SYT5: variants seen among roughly 807,000 people sequenced by gnomAD.
SYT5 encodes synaptotagmin-5.
A neutral mutation model predicts 36.0 loss-of-function variants in SYT5; 29 were observed. That is an observed-to-expected ratio of 0.81 (90% CI 0.60 to 1.10). The LOEUF (loss-of-function observed/expected upper bound fraction) is 1.10. SYT5 is among the 50% of genes least tolerant of loss of function. The pLI is 0.00. For missense variants in SYT5, 512 were observed against 516.0 expected (o/e 0.99, Z 0.08); for synonymous variants, 231 against 227.6 (o/e 1.02, Z -0.14).
Position 55,179,076 on chromosome 19 carries a change from A to C in SYT5, c.-35T>G. ...GTCCTGGAGTCTTTTCTGCAGAGAC[A>C]CTCAAGCACCCTAGTCCCCCATTCC... On this transcript the variant is annotated 5_prime_UTR_variant, in exon 2 of 9. Coordinates refer to ENST00000354308, the MANE Select transcript of SYT5 (RefSeq NM_003180.3). This position sits in a 1 kb window ranked among gnomAD's most constrained non-coding sequence, Gnocchi z 4.5. 1 of 1,585,592 alleles carries C rather than the reference A, an allele frequency of 6.3e-7. No individual in the cohort carries two copies. Among genetic ancestry groups the C allele is most frequent in the Middle Eastern group, 1.7e-4 (1 of 6,018 alleles).
chr19:55,175,062 A>G lies in SYT5; in HGVS notation c.709-63T>C. The G allele has an allele frequency of 1.9e-6, 3 of 1,600,466 alleles. No individual in the cohort carries two copies. Among genetic ancestry groups the G allele is most frequent in the Non-Finnish European group, 2.6e-6 (3 of 1,174,958 alleles). On this transcript the variant is annotated intron_variant, in intron 6 of 8. Transcript: ENST00000354308. The surrounding 1 kb of genome is among the most constrained non-coding windows in gnomAD (Gnocchi z 4.5). ...CACATCCATGCCTCCTCAGGGGTAC[A>G]ATCCACGCCGCCCTGAGGGTCTGGA...
chr19:55,178,752 G>C (rs59224814), intron 2 of SYT5, among the ~76,000 whole-genome samples: 13,007 of 75,180 alleles, frequency 0.17, 719 homozygotes, highest in South Asian at 0.28. Context: ...ATCCGGTTTC[G>C]ATTTTTTTTT....
At position 55,179,268 on chromosome 19, in the gene SYT5, C is replaced by T. The variant is rs2086117975; in HGVS notation, c.-45-182G>A. The T allele has an allele frequency of 2.1e-6, 3 of 1,412,458 alleles. No homozygotes were observed. The highest frequency in any genetic ancestry group is 2.9e-5 in the Admixed American group (1 of 34,480). The allele number at this position is 1,412,458 out of a possible 1,614,324, so 87.5% of individuals were successfully genotyped here. ...GGGGGTGTCCAGGACCTAGTTCCATCCTAAAGGGATACCCTCTTCCTCCAC... is the reference window on the plus strand; with the variant it reads ...GGGGGTGTCCAGGACCTAGTTCCATTCTAAAGGGATACCCTCTTCCTCCAC... On this transcript the variant is annotated intron_variant, in intron 1 of 8. Transcript: ENST00000354308. This position sits in a 1 kb window ranked among gnomAD's most constrained non-coding sequence, Gnocchi z 4.5.
Position 55,175,780 on chromosome 19 carries a change from G to T in SYT5, c.469C>A (p.Arg157=). 1 of 1,614,194 alleles carries T rather than the reference G, an allele frequency of 6.2e-7. No individual in the cohort carries two copies. Among genetic ancestry groups the T allele is most frequent in the East Asian group, 2.2e-5 (1 of 44,870 alleles). The part of the protein sequence containing the change: ...YVRVYLLPDK[R]RRYETKVHRQ... ...TGCACCTTGGTCTCGTACCGCCTCC[G>T]TTTGTCCGGCAGCAGGTAGACCCGC... is the stretch of plus-strand genomic sequence containing the variant. The change falls in exon 5 of 9, where the codon CGG becomes AGG. Residue 157 remains arginine (R), a synonymous_variant. Coordinates refer to ENST00000354308, the MANE Select transcript of SYT5 (RefSeq NM_003180.3). This position sits in a 1 kb window ranked among gnomAD's most constrained non-coding sequence, Gnocchi z 4.5.
chr19:55,173,813 G>A lies in SYT5; in HGVS notation c.961-129C>T, dbSNP rs1954537817. ...CGAGGGCTCGGGGCCCCGGAGCTCGGGACGGGGGAGGGGGTGGGAGACGAG... is the reference window on the plus strand; with the variant it reads ...CGAGGGCTCGGGGCCCCGGAGCTCGAGACGGGGGAGGGGGTGGGAGACGAG... On this transcript the variant is annotated intron_variant, in intron 8 of 8. Coordinates refer to ENST00000354308, the MANE Select transcript of SYT5 (RefSeq NM_003180.3). This position sits in a 1 kb window ranked among gnomAD's most constrained non-coding sequence, Gnocchi z 5.4. 2 of 975,768 alleles carry A rather than the reference G, an allele frequency of 2.0e-6. No individual in the cohort carries two copies. The highest frequency in any genetic ancestry group is 4.3e-5 in the Admixed American group (1 of 23,412). The allele number at this position is 975,768 out of a possible 1,614,324, so 60.4% of individuals were successfully genotyped here.
chr19:55,176,961 G>C (rs2086083234), intron 3 of SYT5: 1 of 152,240 alleles, frequency 6.6e-6, no homozygotes, highest in Admixed American at 6.5e-5. Context: ...TGGAAACCTA[G>C]GGCTGTCTGG....
rs3859545 is a variant in SYT5 at position 55,172,281 on chromosome 19, T to C, written c.*1203A>G. Reference sequence around the variant, plus strand: ...TAAAAATACAAAAAAATTAGCCGGGTGTGGTGGCGGGCGCCTGTAGTCCCA... The same window carrying C: ...TAAAAATACAAAAAAATTAGCCGGGCGTGGTGGCGGGCGCCTGTAGTCCCA... On this transcript the variant is annotated 3_prime_UTR_variant, in exon 9 of 9. Coordinates refer to ENST00000354308, the MANE Select transcript of SYT5 (RefSeq NM_003180.3). 54,219 of 147,788 alleles carry C rather than the reference T, an allele frequency of 0.37. 11,628 individuals are homozygous for C. Among genetic ancestry groups the C allele is most frequent in the African/African-American group, 0.59 (24,191 of 40,682 alleles). 9.2% of individuals were successfully genotyped at this position (147,788 alleles called of 1,614,324 possible).
At position 55,174,500 on chromosome 19, in the gene SYT5, G is replaced by A; in HGVS notation, c.960+17C>T. 1.2e-6 allele frequency: 2 copies of A among 1,612,306 alleles called. No individual in the cohort carries two copies. ...CTAAAGGTCTGGGCTCTTGGAGAAG[G>A]GCAGGTTTGAGCTCACCTGGACTTG... On this transcript the variant is annotated intron_variant, in intron 8 of 8. Transcript: ENST00000354308.
rs1199026401 is a variant in SYT5 at position 55,173,411 on chromosome 19, T to C, written c.*73A>G. ...AGGAAGCTTAAGGGTGGGGCTGGCT[T>C]GGCTTTGGCCGGTCTCGGGAGTCTG... On this transcript the variant is annotated 3_prime_UTR_variant, in exon 9 of 9. Coordinates refer to ENST00000354308, the MANE Select transcript of SYT5 (RefSeq NM_003180.3). The surrounding 1 kb of genome is among the most constrained non-coding windows in gnomAD (Gnocchi z 5.4). 7.9e-7 allele frequency: 1 copy of C among 1,258,212 alleles called. No individual in the cohort carries two copies. Among genetic ancestry groups the C allele is most frequent in the Non-Finnish European group, 1.0e-6 (1 of 989,308 alleles). The allele number at this position is 1,258,212 out of a possible 1,614,324, so 77.9% of individuals were successfully genotyped here. A position where few individuals can be genotyped will look rare whatever the true frequency, so the allele number is the denominator to read the frequency against.
chr19:55,173,566 A>G lies in SYT5; in HGVS notation c.1079T>C (p.Met360Thr). ...GGAGLRHWAD[M>T]LANPRRPIAQ... ...AATGGGCCGCCGCGGGTTGGCCAGC[A>G]TGTCCGCCCAGTGCCGCAGGCCAGC... The change falls in exon 9 of 9, where the codon ATG becomes ACG. Residue 360 changes from methionine to threonine, a missense_variant. By Grantham distance (81) the Met-to-Thr change is moderately conservative (BLOSUM62 -1). Coordinates refer to ENST00000354308, the MANE Select transcript of SYT5 (RefSeq NM_003180.3). The surrounding 1 kb of genome is among the most constrained non-coding windows in gnomAD (Gnocchi z 5.4). The G allele has an allele frequency of 6.9e-7, 1 of 1,449,780 alleles. No individual in the cohort carries two copies. The highest frequency in any genetic ancestry group is 9.1e-7 in the Non-Finnish European group (1 of 1,102,056). 89.8% of individuals were successfully genotyped at this position (1,449,780 alleles called of 1,614,324 possible). A position where few individuals can be genotyped will look rare whatever the true frequency, so the allele number is the denominator to read the frequency against.
At chr19:55,178,937 G>GC (rs566532674) in intron 2 of SYT5, 26 bp downstream of exon 2, 17 of 1,468,928 alleles carry the variant, frequency 1.2e-5, no homozygotes, top group African/African-American at 7.2e-5. Flanking sequence ...TCTCTGCTCG[G>GC]CCCCCCACCC....
intron 2 of SYT5, among the ~76,000 whole-genome samples, chr19:55,178,749 T>G: frequency 6.9e-6 from 1 of 144,962 alleles, no homozygotes; most frequent in Non-Finnish European, 1.5e-5. Flanking sequence ...TTGATCCGGT[T>G]TCGATTTTTT....
chr19:55,176,655 G>A (rs7260107), intron 3 of SYT5, among the ~76,000 whole-genome samples: 10,009 of 152,144 alleles, frequency 0.066, 1,072 homozygotes, highest in African/African-American at 0.22. Flanking sequence ...AAATGTCTGA[G>A]GTCACCTCTT....
chr19:55,173,179 A>G lies in SYT5; in HGVS notation c.*305T>C. 1 of 337,178 alleles carries G rather than the reference A, an allele frequency of 3.0e-6. No homozygotes were observed. Among genetic ancestry groups the G allele is most frequent in the Admixed American group, 4.9e-5 (1 of 20,496 alleles). The allele number at this position is 337,178 out of a possible 1,614,324, so 20.9% of individuals were successfully genotyped here. On this transcript the variant is annotated 3_prime_UTR_variant, in exon 9 of 9. Coordinates refer to ENST00000354308, the MANE Select transcript of SYT5 (RefSeq NM_003180.3). The surrounding 1 kb of genome is among the most constrained non-coding windows in gnomAD (Gnocchi z 5.4). ...GGAAGAGAGAGGAGAGCAGACGAGGATGGCTGATTGTCAAAGCAGGGGGCA... is the reference window on the plus strand; with the variant it reads ...GGAAGAGAGAGGAGAGCAGACGAGGGTGGCTGATTGTCAAAGCAGGGGGCA...
At position 55,175,959 on chromosome 19, in the gene SYT5, A is replaced by AC. The variant is rs748549152; in HGVS notation, c.372+45dup. ...ATGGCTCCTTTCAGAAGGGGTTGGAACCCCCGGGATCCTCCCTCCAAAGCT... is the reference window on the plus strand; with the variant it reads ...ATGGCTCCTTTCAGAAGGGGTTGGAACCCCCCGGGATCCTCCCTCCAAAGCT... On this transcript the variant is annotated intron_variant, in intron 4 of 8. Coordinates refer to ENST00000354308, the MANE Select transcript of SYT5 (RefSeq NM_003180.3). This position sits in a 1 kb window ranked among gnomAD's most constrained non-coding sequence, Gnocchi z 4.5. 6.2e-7 allele frequency: 1 copy of AC among 1,612,896 alleles called. No homozygotes were observed.
At chr19:55,176,770 A>C (rs915137614) in intron 3 of SYT5, among the ~76,000 whole-genome samples, 6 of 130,980 alleles carry the variant, frequency 4.6e-5, no homozygotes, top group Non-Finnish European at 6.2e-5. Flanking sequence ...CACTGGTTTA[A>C]GGGACAGGGA....
rs149508178 is a variant in SYT5, at chr19:55,175,824, C to G, written c.425G>C (p.Gly142Ala). 279 of 1,614,192 alleles carry G rather than the reference C, an allele frequency of 1.7e-4. 1 individual carries two copies. In the African/African-American group the frequency reaches 3.2e-3, roughly 19 times the overall value. Residue 142 changes from glycine to alanine, a missense_variant, in exon 5 of 9, where the codon GGC (glycine) becomes GCC (alanine). Coordinates refer to ENST00000354308, the MANE Select transcript of SYT5 (RefSeq NM_003180.3). This position sits in a 1 kb window ranked among gnomAD's most constrained non-coding sequence, Gnocchi z 4.5. The part of the protein sequence containing the change: ...AMGLAALDLG[G>A]SSDPYVRVYL... ...GACCCGCACATAGGGGTCCGAGGAGCCACCAAGATCCAAGGCTGCCAATCC... is the reference window on the plus strand; with the variant it reads ...GACCCGCACATAGGGGTCCGAGGAGGCACCAAGATCCAAGGCTGCCAATCC...
At position 55,175,223 on chromosome 19, in the gene SYT5, C is replaced by G; in HGVS notation, c.657G>C (p.Leu219=). The change falls in exon 6 of 9, where the codon CTG becomes CTC. Residue 219 remains leucine, a synonymous_variant. Transcript: ENST00000354308. The surrounding 1 kb of genome is among the most constrained non-coding windows in gnomAD (Gnocchi z 4.5). The part of the protein sequence containing the change: ...EVRVPMSSVD[L]GRPVQAWREL... ...CCCGCCAGGCCTGCACTGGCCGCCCCAGGTCCACGGAGCTCATAGGGACCC... is the reference window on the plus strand; with the variant it reads ...CCCGCCAGGCCTGCACTGGCCGCCCGAGGTCCACGGAGCTCATAGGGACCC... 2.5e-6 allele frequency: 4 copies of G among 1,611,442 alleles called. No homozygotes were observed. In the South Asian group the frequency reaches 4.4e-5, roughly 18 times the overall value.
intron 3 of SYT5, 182 bp from the exon 4 acceptor site, chr19:55,176,306 T>G: frequency 2.7e-6 from 2 of 754,606 alleles, no homozygotes; most frequent in East Asian, 2.7e-5. Context: ...GTAACACAGA[T>G]GCAGTATGTT....
Sources: allele counts gnomAD v4.1 joint callset (sites outside exome capture counted in the v4.1 genomes callset), GRCh38; gene constraint gnomAD v4.1.1; non-coding constraint Gnocchi (gnomAD v3.1); transcripts MANE v1.5; gene names NCBI Gene and HGNC (gene_info 2026-07-23, HGNC 2026-07-21).